Variants in CARMIL1 observed in about 807,000 individuals in gnomAD.
CARMIL1 encodes the protein capping protein regulator and myosin 1 linker 1.
In CARMIL1, 90 loss-of-function variants were observed where a neutral mutation model predicts 177.1. That is an observed-to-expected ratio of 0.51 (90% CI 0.43 to 0.61). CARMIL1 has a LOEUF of 0.61. CARMIL1 is among the 20% of genes least tolerant of loss of function. CARMIL1 has a pLI of 0.00. For synonymous variants in CARMIL1, 577 were observed against 606.2 expected (o/e 0.95, Z 0.71); for missense variants, 1,380 against 1,667.0 (o/e 0.83, Z 3.00).
intron 23 of CARMIL1, among the ~76,000 whole-genome samples, chr6:25,523,559 A>G (rs537381553): frequency 6.6e-6 from 1 of 152,318 alleles, no homozygotes; most frequent in African/African-American, 2.4e-5. Context: ...ATAATTTCCA[A>G]TAGGATACTA....
chr6:25,382,396 G>A (rs546384684), intron 2 of CARMIL1, among the ~76,000 whole-genome samples: 260 of 152,280 alleles, frequency 1.7e-3, no homozygotes, highest in African/African-American at 5.3e-3. Flanking sequence ...GAATGAAGCC[G>A]CGGACCTTTG....
At chr6:25,472,573 G>A (rs369889051) in intron 11 of CARMIL1, 52 bp downstream of exon 11, 1,175 of 1,424,596 alleles carry the variant, frequency 8.2e-4, no homozygotes, top group Non-Finnish European at 1.1e-3. Context: ...GAGGATTAGA[G>A]AATTTTAATT....
At chr6:25,591,955 C>T (rs1029517076) in intron 31 of CARMIL1, among the ~76,000 whole-genome samples, 4 of 152,146 alleles carry the variant, frequency 2.6e-5, no homozygotes, top group Non-Finnish European at 5.9e-5. Flanking sequence ...CCCCAGAGAA[C>T]CTTTTGTGCT....
chr6:25,352,095 A>G (rs1562022849), intron 2 of CARMIL1, among the ~76,000 whole-genome samples: 2 of 152,134 alleles, frequency 1.3e-5, no homozygotes, highest in Non-Finnish European at 2.9e-5. Context: ...TAAATGTTTA[A>G]GAAAACGTTT....
In CARMIL1 at chr6:25,585,909, T is replaced by A. The variant is rs549795844; in HGVS notation, c.3006+4470T>A. 3.2e-3 allele frequency among the ~76,000 whole-genome samples: 480 copies of A among 152,336 alleles called. 1 individual carries two copies. The highest frequency in any genetic ancestry group is 5.2e-3 in the Non-Finnish European group (354 of 68,030). ...GCATCCCAAGGCAGAAGAATTTTTC[T>A]TAGTACAGAAGAAAATGGAGTCTCC... On this transcript the variant is annotated intron_variant, in intron 31 of 36. Transcript: ENST00000329474.
rs911033627 is a variant in CARMIL1, at chr6:25,337,000, A to T, written c.138+52091A>T. ...CAGTTGCCCTTTAAAAAGACAGCGT[A>T]TCAATTGAACATAAATATATTGTGT... On this transcript the variant is annotated intron_variant, in intron 2 of 36. Transcript: ENST00000329474. 4.1e-4 allele frequency among the ~76,000 whole-genome samples: 63 copies of T among 152,230 alleles called. 2 individuals carry two copies. The highest frequency in any genetic ancestry group is 4.1e-3 in the Admixed American group (63 of 15,286).
At chr6:25,459,270 T>TTTCTTTCTTTCTTTTCTTTCTTTCC (rs1799896544) in intron 8 of CARMIL1, among the ~76,000 whole-genome samples, 1 of 21,216 alleles carries the variant, frequency 4.7e-5, no homozygotes, top group Non-Finnish European at 1.1e-4. Context: ...TTCTTTCTTT[T>TTTCTTTCTTTCTTTTCTTTCTTTCC]TTTTTTTTTT....
intron 11 of CARMIL1, among the ~76,000 whole-genome samples, chr6:25,478,628 T>C (rs573104230): frequency 2.6e-5 from 4 of 151,920 alleles, no homozygotes; most frequent in Admixed American, 6.6e-5. Context: ...AACCCCGTCT[T>C]TACTAAAAAT....
At chr6:25,484,197 T>A (rs1468462728) in intron 12 of CARMIL1, among the ~76,000 whole-genome samples, 2 of 152,244 alleles carry the variant, frequency 1.3e-5, no homozygotes, top group Non-Finnish European at 2.9e-5. Flanking sequence ...CACATTTGAT[T>A]GTGTCTTAGC....
intron 5 of CARMIL1, among the ~76,000 whole-genome samples, chr6:25,441,894 AT>A (rs11357159): frequency 0.13 from 18,727 of 148,950 alleles, 1,234 homozygotes; most frequent in Middle Eastern, 0.18. Flanking sequence ...ACAAAGCTAG[AT>A]TTTTTTTTTT....
rs75271012 is a variant in CARMIL1, at chr6:25,367,165, G to T, written c.139-52949G>T. Reference sequence around the variant, plus strand: ...GTGCTGCAGTTTTGATGTGGGGGGTGTGGTTTAGTGCTGCATAACATTTAC... The same window carrying T: ...GTGCTGCAGTTTTGATGTGGGGGGTTTGGTTTAGTGCTGCATAACATTTAC... On this transcript the variant is annotated intron_variant, in intron 2 of 36. Coordinates refer to ENST00000329474, the MANE Select transcript of CARMIL1 (RefSeq NM_017640.6). Among the ~76,000 whole-genome samples, 362 of 152,294 alleles carry T rather than the reference G, an allele frequency of 2.4e-3. 2 individuals carry two copies. The East Asian group carries it at 0.042, about 18-fold the overall frequency.
intron 2 of CARMIL1, among the ~76,000 whole-genome samples, chr6:25,400,095 G>A (rs9461157): frequency 0.43 from 65,049 of 151,930 alleles, 14,130 homozygotes; most frequent in Middle Eastern, 0.57. Context: ...AATTATATCT[G>A]TAGGTATTGT....
At chr6:25,570,138 G>A (rs1811945632) in intron 29 of CARMIL1, among the ~76,000 whole-genome samples, 1 of 152,096 alleles carries the variant, frequency 6.6e-6, no homozygotes, top group African/African-American at 2.4e-5. Context: ...CTAATTTTTT[G>A]TATTTTTAGT....
At chr6:25,473,931 AG>A (rs573995255) in intron 11 of CARMIL1, among the ~76,000 whole-genome samples, 58 of 152,296 alleles carry the variant, frequency 3.8e-4, no homozygotes, top group Middle Eastern at 3.4e-3. Context: ...AGGAGTCAGT[AG>A]GTTTAGAAAG....
At chr6:25,593,552 T>C (rs1483845441) in intron 31 of CARMIL1, among the ~76,000 whole-genome samples, 1 of 152,206 alleles carries the variant, frequency 6.6e-6, no homozygotes, top group Non-Finnish European at 1.5e-5. Context: ...GAAATATTTA[T>C]TTTCTCACCT....
intron 31 of CARMIL1, among the ~76,000 whole-genome samples, chr6:25,590,406 A>G (rs903185664): frequency 1.3e-5 from 2 of 152,126 alleles, no homozygotes. Context: ...TTTTGCATCT[A>G]TATGCATAAA....
intron 2 of CARMIL1, among the ~76,000 whole-genome samples, chr6:25,335,256 A>G (rs1786091808): frequency 1.3e-5 from 2 of 152,200 alleles, no homozygotes; most frequent in African/African-American, 4.8e-5. Flanking sequence ...TTCTCTGTAG[A>G]TGGATAGTTA....
chr6:25,466,557 C>A (rs1800614125), intron 9 of CARMIL1, among the ~76,000 whole-genome samples: 1 of 152,182 alleles, frequency 6.6e-6, no homozygotes, highest in African/African-American at 2.4e-5. Context: ...GATGCTTATA[C>A]ATAAATTAAC....
At chr6:25,413,004 G>A (rs1317840471) in intron 2 of CARMIL1, among the ~76,000 whole-genome samples, 1 of 152,198 alleles carries the variant, frequency 6.6e-6, no homozygotes. Context: ...TCATAGCTGA[G>A]TATAGTGTTA....
Sources: allele counts gnomAD v4.1 joint callset (sites outside exome capture counted in the v4.1 genomes callset), GRCh38; gene constraint gnomAD v4.1.1; transcripts MANE v1.5; gene names NCBI Gene and HGNC (gene_info 2026-07-23, HGNC 2026-07-21).